Variants in CEACAM3 observed in about 807,000 individuals in gnomAD.
The protein encoded by CEACAM3 is CEA cell adhesion molecule 3, also known as cell adhesion molecule CEACAM3.
Under a neutral mutation model 30.1 loss-of-function variants are expected in CEACAM3, and 32 were observed. That is an observed-to-expected ratio of 1.06 (90% CI 0.80 to 1.43). CEACAM3 has a LOEUF of 1.43. Ranked by LOEUF, CEACAM3 falls within the 40% of genes most tolerant of loss-of-function variation. CEACAM3 has a pLI of 0.00. For missense variants in CEACAM3, 290 were observed against 316.3 expected, an observed-to-expected ratio of 0.92 and a Z score of 0.63; for synonymous variants, 134 against 127.2, an observed-to-expected ratio of 1.05 and a Z score of -0.36.
Position 41,810,018 on chromosome 19 carries a change from G to C in CEACAM3, c.595+1G>C. ...CAGCAGCCCCAAGCCCTTGCCCCTGGTGAGTGTCCTCTCAGCCCAGGTGTG... is the reference window on the plus strand; with the variant it reads ...CAGCAGCCCCAAGCCCTTGCCCCTGCTGAGTGTCCTCTCAGCCCAGGTGTG... On this transcript the variant is annotated splice_donor_variant, in intron 4 of 6. Coordinates refer to ENST00000357396, the MANE Select transcript of CEACAM3 (RefSeq NM_001815.5). LOFTEE classifies it high-confidence loss of function. The C allele has an allele frequency of 6.2e-7, 1 of 1,613,802 alleles. No individual in the cohort carries two copies. The highest frequency in any genetic ancestry group is 8.5e-7 in the Non-Finnish European group (1 of 1,179,820).
intron 2 of CEACAM3, among the ~76,000 whole-genome samples, chr19:41,800,302 G>T (rs781871330): frequency 2.6e-5 from 4 of 152,162 alleles, no homozygotes; most frequent in Non-Finnish European, 4.4e-5. Context: ...GGGCTCCTTG[G>T]TCTAGCGGTG....
intron 2 of CEACAM3, among the ~76,000 whole-genome samples, chr19:41,803,806 G>A (rs76244989): frequency 0.032 from 4,842 of 152,102 alleles, 394 homozygotes; most frequent in East Asian, 0.32. Context: ...AAGGCCGGGC[G>A]TGGTTGTTCA....
intron 3 of CEACAM3, chr19:41,809,380 C>G (rs1168230770): frequency 5.9e-6 from 1 of 168,314 alleles, no homozygotes; most frequent in African/African-American, 2.4e-5. Context: ...TGGGTGGGGT[C>G]AGTGCCCCCC....
At chr19:41,809,865 C>A in intron 3 of CEACAM3, 100 bp from the exon 4 acceptor site, 4 of 1,172,638 alleles carry the variant, frequency 3.4e-6, no homozygotes, top group East Asian at 4.7e-5. Context: ...GGTCTCCATG[C>A]CCATCCTTGA....
chr19:41,809,467 G>A (rs540134068), intron 3 of CEACAM3: 60 of 163,152 alleles, frequency 3.7e-4, no homozygotes, highest in Middle Eastern at 3.1e-3. Context: ...GTCCTGGAGC[G>A]TCCTTTGTGT....
rs2073223235 is a variant in CEACAM3, at chr19:41,808,697, C to A, written c.425-116C>A. 3 of 787,490 alleles carry A rather than the reference C, an allele frequency of 3.8e-6. No homozygotes were observed. In the African/African-American group the frequency reaches 5.2e-5, roughly 14 times the overall value. The allele number at this position is 787,490 out of a possible 1,614,324, so 48.8% of individuals were successfully genotyped here. Reference sequence around the variant, plus strand: ...GATGAGGACAACACAAGAGACTACACTCAGGCCCCATGGCATCTCCTTCTT... The same window carrying A: ...GATGAGGACAACACAAGAGACTACAATCAGGCCCCATGGCATCTCCTTCTT... On this transcript the variant is annotated intron_variant, in intron 2 of 6. Coordinates refer to ENST00000357396, the MANE Select transcript of CEACAM3 (RefSeq NM_001815.5).
At chr19:41,796,810 G>T in intron 1 of CEACAM3, 69 bp downstream of exon 1, 1 of 1,522,494 alleles carries the variant, frequency 6.6e-7, no homozygotes, top group South Asian at 1.3e-5. Flanking sequence ...CTCCTGGGGA[G>T]GATGGGGCTC....
intron 4 of CEACAM3, 143 bp from the exon 5 acceptor site, chr19:41,810,180 C>A (rs1243719020): frequency 6.9e-6 from 9 of 1,295,554 alleles, no homozygotes; most frequent in Non-Finnish European, 5.5e-6. Flanking sequence ...TGGGTCAGCC[C>A]TCACCTGTGG....
intron 1 of CEACAM3, chr19:41,797,034 A>G (rs1437223346): frequency 3.1e-6 from 1 of 323,988 alleles, no homozygotes; most frequent in African/African-American, 2.1e-5. Flanking sequence ...TAAAAATATA[A>G]CCAGGGCACT....
At chr19:41,810,563 A>G (rs1178257996) in intron 5 of CEACAM3, among the ~76,000 whole-genome samples, 3 of 151,918 alleles carry the variant, frequency 2.0e-5, no homozygotes, top group African/African-American at 7.3e-5. Context: ...GGGACCCTCC[A>G]TCACCTGAGG....
At chr19:41,807,672 A>G in intron 2 of CEACAM3, 7 of 1,155,768 alleles carry the variant, frequency 6.1e-6, no homozygotes, top group South Asian at 3.5e-5. Context: ...TAGGACTTCA[A>G]GGTTGTGACT....
chr19:41,808,203 A>G (rs1384155923), intron 2 of CEACAM3, among the ~76,000 whole-genome samples: 2 of 152,148 alleles, frequency 1.3e-5, no homozygotes, highest in African/African-American at 4.8e-5. Context: ...TGTTGTTCTG[A>G]TTTCTCACAG....
chr19:41,804,678 C>A (rs1210766707), intron 2 of CEACAM3, among the ~76,000 whole-genome samples: 1 of 152,212 alleles, frequency 6.6e-6, no homozygotes, highest in Non-Finnish European at 1.5e-5. Flanking sequence ...CAGCATCTTT[C>A]TTTGAGCTTA....
intron 2 of CEACAM3, among the ~76,000 whole-genome samples, chr19:41,799,496 C>T (rs1343838078): frequency 6.6e-6 from 1 of 152,198 alleles, no homozygotes; most frequent in Non-Finnish European, 1.5e-5. Flanking sequence ...ATTACCCAGC[C>T]TCAGACATTT....
intron 1 of CEACAM3, 109 bp from the exon 2 acceptor site, chr19:41,797,480 A>G: frequency 7.1e-7 from 1 of 1,411,722 alleles, no homozygotes; most frequent in Non-Finnish European, 9.7e-7. Flanking sequence ...TGGGACACAC[A>G]TACACTCTCC....
chr19:41,798,347 C>T (rs2073120896), intron 2 of CEACAM3, among the ~76,000 whole-genome samples: 1 of 152,290 alleles, frequency 6.6e-6, no homozygotes, highest in Middle Eastern at 3.4e-3. Flanking sequence ...CTGTGCAAAT[C>T]CCTGTCCCAG....
chr19:41,799,712 G>T (rs2073130985), intron 2 of CEACAM3, among the ~76,000 whole-genome samples: 1 of 152,122 alleles, frequency 6.6e-6, no homozygotes. Flanking sequence ...CCCTGCACCA[G>T]CGCAGGGCCC....
chr19:41,802,680 C>T (rs1555826136), intron 2 of CEACAM3, among the ~76,000 whole-genome samples: 1 of 152,184 alleles, frequency 6.6e-6, no homozygotes, highest in African/African-American at 2.4e-5. Context: ...ACAAAGATCC[C>T]CTCCTCCTTC....
chr19:41,810,100 A>T, intron 4 of CEACAM3, 83 bp downstream of exon 4: 1 of 1,427,160 alleles, frequency 7.0e-7, no homozygotes, highest in South Asian at 1.2e-5. Context: ...ACTGCCAGGC[A>T]GACTCTGATC....
Sources: gnomAD v4.1 joint callset for allele counts (sites outside exome capture counted in the v4.1 genomes callset) on GRCh38, gnomAD v4.1.1 for gene constraint, MANE v1.5 for transcripts, NCBI Gene and HGNC (gene_info 2026-07-23, HGNC 2026-07-21) for gene names.